Variants in JAM2 observed in about 807,000 individuals in gnomAD.
JAM2 encodes the protein junctional adhesion molecule B.
A neutral mutation model predicts 42.0 loss-of-function variants in JAM2; 17 were observed. The ratio of observed to expected loss-of-function variants is 0.40; its 90% CI spans 0.28 to 0.61. The LOEUF (loss-of-function observed/expected upper bound fraction) is 0.61, where lower values mean the gene tolerates loss of function less well. JAM2 is among the 20% of genes least tolerant of loss of function. JAM2 has a pLI of 0.37. For synonymous variants in JAM2, 118 were observed against 128.6 expected, an observed-to-expected ratio of 0.92 and a Z score of 0.56; for missense variants, 319 against 358.3, an observed-to-expected ratio of 0.89 and a Z score of 0.89.
At chr21:25,684,426 T>C (rs1459747593) in intron 2 of JAM2, among the ~76,000 whole-genome samples, 1 of 152,206 alleles carries the variant, frequency 6.6e-6, no homozygotes, top group Admixed American at 6.5e-5. Context: ...GATAAAATAG[T>C]TCTGGAGATT....
intron 7 of JAM2, among the ~76,000 whole-genome samples, chr21:25,707,297 C>A (rs1399480213): frequency 2.0e-5 from 3 of 151,922 alleles, no homozygotes; most frequent in Admixed American, 6.6e-5. Context: ...GCCTGGCCAA[C>A]ATGGTGAAAC....
intron 8 of JAM2, chr21:25,712,039 A>G (rs1301393085): frequency 3.9e-6 from 1 of 259,658 alleles, no homozygotes; most frequent in Non-Finnish European, 7.4e-6. Context: ...ATGTTAATAT[A>G]TTAAATTAAA....
Position 25,685,542 on chromosome 21 carries a change from A to AC in JAM2, c.133+1594_133+1595insC, listed in dbSNP as rs778099036. Reference sequence around the variant, plus strand: ...AATGTCTCAAAAAAAAAAAAAAAAAAAAAAAAGTTCATCATTTTAAAAAAT... The same window carrying AC: ...AATGTCTCAAAAAAAAAAAAAAAAAACAAAAAAGTTCATCATTTTAAAAAAT... On this transcript the variant is annotated intron_variant, in intron 2 of 9. Coordinates refer to ENST00000480456, the MANE Select transcript of JAM2 (RefSeq NM_021219.4). Among the ~76,000 whole-genome samples the AC allele has an allele frequency of 2.1e-3, 318 of 151,758 alleles. 1 individual carries two copies. The highest frequency in any genetic ancestry group is 4.1e-3 in the Non-Finnish European group (276 of 67,888).
At chr21:25,648,835 T>C (rs1195299675) in intron 1 of JAM2, among the ~76,000 whole-genome samples, 1 of 152,242 alleles carries the variant, frequency 6.6e-6, no homozygotes, top group Non-Finnish European at 1.5e-5. Flanking sequence ...CCTGGCACAT[T>C]TAATACTTGA....
At position 25,689,869 on chromosome 21, in the gene JAM2, C is replaced by T; in HGVS notation, c.137C>T (p.Ala46Val). 2 of 1,600,006 alleles carry T rather than the reference C, an allele frequency of 1.3e-6. No homozygotes were observed. The highest frequency in any genetic ancestry group is 1.7e-6 in the Non-Finnish European group (2 of 1,167,438). Reference protein sequence around the residue: ...QVVTAVEYQEAILACKTPKKT... With the variant: ...QVVTAVEYQEVILACKTPKKT... Reference sequence around the variant, plus strand: ...GTATTTTTATTGTTGTTCCTAGAGGCTATTTTAGCCTGCAAAACCCCAAAG... The same window carrying T: ...GTATTTTTATTGTTGTTCCTAGAGGTTATTTTAGCCTGCAAAACCCCAAAG... Residue 46 changes from alanine to valine, a missense_variant, in exon 3 of 10, where the codon GCT becomes GTT. Coordinates refer to ENST00000480456, the MANE Select transcript of JAM2 (RefSeq NM_021219.4).
intron 6 of JAM2, among the ~76,000 whole-genome samples, chr21:25,705,636 C>T (rs1475986438): frequency 6.6e-6 from 1 of 152,160 alleles, no homozygotes; most frequent in African/African-American, 2.4e-5. Flanking sequence ...TAGGGAGTGG[C>T]AGTAGAATAC....
At chr21:25,646,688 T>C (rs2032623925) in intron 1 of JAM2, among the ~76,000 whole-genome samples, 1 of 152,106 alleles carries the variant, frequency 6.6e-6, no homozygotes, top group Admixed American at 6.6e-5. Flanking sequence ...TTCAGGCCAG[T>C]GAATGGGTAG....
At chr21:25,680,393 A>G (rs1428376086) in intron 1 of JAM2, among the ~76,000 whole-genome samples, 4 of 152,252 alleles carry the variant, frequency 2.6e-5, no homozygotes, top group East Asian at 1.9e-4. Context: ...ATTTTCATGG[A>G]TGACTCACAA....
chr21:25,701,772 A>G (rs900129842), intron 5 of JAM2, among the ~76,000 whole-genome samples: 1 of 152,176 alleles, frequency 6.6e-6, no homozygotes, highest in Non-Finnish European at 1.5e-5. Flanking sequence ...GTGACTTAGG[A>G]AAGTGCATTA....
At chr21:25,643,941 C>T (rs1173296442) in intron 1 of JAM2, 4 of 152,288 alleles carry the variant, frequency 2.6e-5, no homozygotes, top group East Asian at 1.9e-4. Context: ...GAGGTAAGAG[C>T]TGCTAGCTTT....
intron 7 of JAM2, among the ~76,000 whole-genome samples, chr21:25,707,449 T>G (rs918727627): frequency 6.6e-6 from 1 of 151,972 alleles, no homozygotes; most frequent in Non-Finnish European, 1.5e-5. Flanking sequence ...GCCACTCCAC[T>G]CCAGCCTGGG....
intron 1 of JAM2, among the ~76,000 whole-genome samples, chr21:25,652,140 C>G (rs1039919756): frequency 6.6e-6 from 1 of 152,038 alleles, no homozygotes; most frequent in Non-Finnish European, 1.5e-5. Context: ...AATCCCCATA[C>G]TTTGGGAGGC....
intron 1 of JAM2, among the ~76,000 whole-genome samples, chr21:25,640,502 G>A (rs2032403446): frequency 6.6e-6 from 1 of 152,192 alleles, no homozygotes; most frequent in Non-Finnish European, 1.5e-5. Context: ...CTGTCCTCAG[G>A]GGACATCCAA....
chr21:25,699,451 A>G lies in JAM2; in HGVS notation c.597+572A>G, dbSNP rs182098904. ...CTTTAAAAATTGCGCGGCCGGGCGC[A>G]GTGGCTCACGCCTGTAATCCCAGCA... On this transcript the variant is annotated intron_variant, in intron 5 of 9. Transcript: ENST00000480456. Among the ~76,000 whole-genome samples, 315 of 152,244 alleles carry G rather than the reference A, an allele frequency of 2.1e-3. 2 individuals are homozygous for G. Among genetic ancestry groups the G allele is most frequent in the African/African-American group, 6.8e-3 (283 of 41,544 alleles).
intron 2 of JAM2, among the ~76,000 whole-genome samples, chr21:25,684,249 C>T (rs1344896491): frequency 2.6e-5 from 4 of 152,182 alleles, no homozygotes; most frequent in Non-Finnish European, 5.9e-5. Context: ...AAGTTTCTAG[C>T]CAGCTAGATA....
chr21:25,649,007 TA>T (rs982543268), intron 1 of JAM2, among the ~76,000 whole-genome samples: 3 of 152,198 alleles, frequency 2.0e-5, no homozygotes, highest in African/African-American at 7.2e-5. Flanking sequence ...CTCCTCTTTT[TA>T]ACAGTGGCCT....
chr21:25,717,102 T>C lies in JAM2; in HGVS notation c.*2430T>C, dbSNP rs1302271231. On this transcript the variant is annotated 3_prime_UTR_variant, in exon 10 of 10. Transcript: ENST00000480456. ...AATAACACTCTCTGTGTCAAATATA[T>C]ATTGTACATTACCTTAAACTATTGT... 1 of 152,324 alleles carries C rather than the reference T, an allele frequency of 6.6e-6. No homozygotes were observed. Among genetic ancestry groups the C allele is most frequent in the African/African-American group, 2.4e-5 (1 of 41,456 alleles). The allele number at this position is 152,324 out of a possible 1,614,324, so 9.4% of individuals were successfully genotyped here.
chr21:25,655,605 C>T (rs1321478692), intron 1 of JAM2, among the ~76,000 whole-genome samples: 3 of 148,972 alleles, frequency 2.0e-5, no homozygotes, highest in Admixed American at 6.7e-5. Context: ...CTCAGCCTCC[C>T]GAGTAGCTGG....
chr21:25,704,235 T>C (rs1601061417), intron 6 of JAM2, among the ~76,000 whole-genome samples: 1 of 152,266 alleles, frequency 6.6e-6, no homozygotes, highest in African/African-American at 2.4e-5. Flanking sequence ...TCTGCTCTTT[T>C]TAATCCAAGT....
Sources: gnomAD v4.1 joint callset for allele counts (sites outside exome capture counted in the v4.1 genomes callset) on GRCh38, gnomAD v4.1.1 for gene constraint, MANE v1.5 for transcripts, NCBI Gene and HGNC (gene_info 2026-07-23, HGNC 2026-07-21) for gene names.